Variants in TECPR2 observed in about 807,000 individuals in gnomAD.
TECPR2 encodes the protein tectonin beta-propeller repeat-containing protein 2.
In TECPR2, 65 loss-of-function variants were observed where a neutral mutation model predicts 138.1. That is an observed-to-expected ratio of 0.47 (90% CI 0.39 to 0.58). TECPR2 has a LOEUF of 0.58. Ranked by LOEUF, TECPR2 falls within the 20% of genes least tolerant of loss-of-function variation. TECPR2 has a pLI of 0.00. For synonymous variants in TECPR2, 746 were observed against 749.8 expected (o/e 0.99, Z 0.08); for missense variants, 1,553 against 1,824.5 (o/e 0.85, Z 2.71).
chr14:102,465,357 G>T, intron 17 of TECPR2, 68 bp downstream of exon 17: 1 of 1,584,902 alleles, frequency 6.3e-7, no homozygotes. Flanking sequence ...GCTGGTACTG[G>T]GAAAAAGGAT....
intron 1 of TECPR2, 31 bp downstream of exon 1, chr14:102,363,147 A>T (rs2139640583): frequency 6.0e-6 from 2 of 334,898 alleles, no homozygotes; most frequent in Middle Eastern, 8.5e-4. Context: ...AGCGGCCCCG[A>T]CGCCCCCGAC....
At position 102,463,434 on chromosome 14, in the gene TECPR2, A is replaced by G. The variant is rs1220942801; in HGVS notation, c.3641-1707A>G. Among the ~76,000 whole-genome samples, 390 of 151,212 alleles carry G rather than the reference A, an allele frequency of 2.6e-3. 1 individual carries two copies. The highest frequency in any genetic ancestry group is 8.0e-3 in the African/African-American group (332 of 41,262). ...TCCGTCTCAAAAAAAAAAAAAAAAA[A>G]AAAAAGAAAAAAACAAAAAAACAGG... On this transcript the variant is annotated intron_variant, in intron 16 of 19. Coordinates refer to ENST00000359520, the MANE Select transcript of TECPR2 (RefSeq NM_014844.5).
chr14:102,430,923 T>A (rs1026745371), intron 7 of TECPR2, among the ~76,000 whole-genome samples: 1 of 152,190 alleles, frequency 6.6e-6, no homozygotes, highest in Admixed American at 6.5e-5. Context: ...AGAGTCTTAG[T>A]ATGAAGTATA....
chr14:102,456,921 A>G (rs892018489), intron 16 of TECPR2, among the ~76,000 whole-genome samples: 1 of 151,690 alleles, frequency 6.6e-6, no homozygotes, highest in African/African-American at 2.4e-5. Context: ...ACTCAATCTC[A>G]CTGAAGCTGA....
At chr14:102,380,430 C>T (rs1399825293) in intron 2 of TECPR2, among the ~76,000 whole-genome samples, 3 of 152,228 alleles carry the variant, frequency 2.0e-5, no homozygotes, top group Non-Finnish European at 4.4e-5. Context: ...TATTGACTCA[C>T]AGTTACGCAT....
chr14:102,411,230 G>GC (rs1397182867), intron 4 of TECPR2, among the ~76,000 whole-genome samples: 1 of 152,244 alleles, frequency 6.6e-6, no homozygotes. Flanking sequence ...AATTTTTGCC[G>GC]CCCCAACATT....
intron 1 of TECPR2, among the ~76,000 whole-genome samples, chr14:102,372,508 G>A (rs752650897): frequency 2.0e-5 from 3 of 152,142 alleles, no homozygotes; most frequent in East Asian, 1.9e-4. Context: ...CAGGTGATCC[G>A]CCCTGACTCA....
intron 17 of TECPR2, among the ~76,000 whole-genome samples, chr14:102,474,091 C>T (rs1890702996): frequency 6.6e-6 from 1 of 152,068 alleles, no homozygotes; most frequent in South Asian, 2.1e-4. Context: ...GACCCCGTCT[C>T]TACAGGTAAT....
In TECPR2 at chr14:102,425,987, C is replaced by T. The variant is rs182039729; in HGVS notation, c.951+696C>T. On this transcript the variant is annotated intron_variant, in intron 6 of 19. Transcript: ENST00000359520. ...GCAACCTCCACCTCCCGAGTTCAAG[C>T]GATTCTCCTGCCTCAGCCTCCCAAG... Among the ~76,000 whole-genome samples, 450 of 150,162 alleles carry T rather than the reference C, an allele frequency of 3.0e-3. 1 individual carries two copies. The highest frequency in any genetic ancestry group is 4.1e-3 in the Admixed American group (61 of 14,978).
In TECPR2 at chr14:102,498,818, A is replaced by G; in HGVS notation, c.*561A>G. 1 of 579,132 alleles carries G rather than the reference A, an allele frequency of 1.7e-6. No individual in the cohort carries two copies. The highest frequency in any genetic ancestry group is 1.6e-5 in the South Asian group (1 of 63,018). 35.9% of individuals were successfully genotyped at this position (579,132 alleles called of 1,614,324 possible). A position where few individuals can be genotyped will look rare whatever the true frequency, so the allele number is the denominator to read the frequency against. ...GGAAGCTGAGGCCGGGCTTGAGAGG[A>G]GAGCGCTGGCCATGCCAGGAGAGAA... is the stretch of plus-strand genomic sequence containing the variant. On this transcript the variant is annotated 3_prime_UTR_variant, in exon 20 of 20. Coordinates refer to ENST00000359520, the MANE Select transcript of TECPR2 (RefSeq NM_014844.5).
chr14:102,469,967 G>C (rs1890623426), intron 17 of TECPR2, among the ~76,000 whole-genome samples: 2 of 152,062 alleles, frequency 1.3e-5, no homozygotes, highest in Admixed American at 6.6e-5. Flanking sequence ...GAAATCCTTT[G>C]TATGTATATG....
chr14:102,496,132 G>A (rs1036931099), intron 17 of TECPR2, among the ~76,000 whole-genome samples: 1 of 152,226 alleles, frequency 6.6e-6, no homozygotes, highest in Non-Finnish European at 1.5e-5. Context: ...CATGGAGGCC[G>A]ACCAGGAGGG....
intron 2 of TECPR2, among the ~76,000 whole-genome samples, chr14:102,399,332 TAAAAA>T (rs1888406832): frequency 6.6e-6 from 1 of 152,096 alleles, no homozygotes. Flanking sequence ...TTCAGAGTGT[TAAAAA>T]GAAAGAAGAC....
At chr14:102,409,294 G>A (rs1888751838) in intron 4 of TECPR2, among the ~76,000 whole-genome samples, 1 of 151,612 alleles carries the variant, frequency 6.6e-6, no homozygotes, top group Admixed American at 6.6e-5. Flanking sequence ...AGCACTATAG[G>A]AATTCAGCAA....
chr14:102,365,395 CAT>C (rs1443534133), intron 1 of TECPR2, among the ~76,000 whole-genome samples: 1 of 152,116 alleles, frequency 6.6e-6, no homozygotes, highest in African/African-American at 2.4e-5. Context: ...TTACAGGGCA[CAT>C]GTGGGGGAAT....
At chr14:102,496,304 G>T (rs1352359286) in intron 17 of TECPR2, among the ~76,000 whole-genome samples, 2 of 152,170 alleles carry the variant, frequency 1.3e-5, no homozygotes, top group East Asian at 3.9e-4. Context: ...GTGCTCGCGG[G>T]CATGGAGGCC....
intron 16 of TECPR2, among the ~76,000 whole-genome samples, chr14:102,460,368 C>T (rs141600410): frequency 2.2e-3 from 341 of 151,998 alleles, no homozygotes; most frequent in African/African-American, 7.2e-3. Context: ...AATCTCAGCA[C>T]GTTGGGAGGC....
At position 102,445,897 on chromosome 14, in the gene TECPR2, A is replaced by G. The variant is rs1889963472; in HGVS notation, c.3025A>G (p.Thr1009Ala). 1 of 1,614,006 alleles carries G rather than the reference A, an allele frequency of 6.2e-7. No homozygotes were observed. The highest frequency in any genetic ancestry group is 8.5e-7 in the Non-Finnish European group (1 of 1,180,002). ...LDIHGNLWFR[T>A]GIISKKPQGD... The stretch of plus-strand genomic sequence containing the variant: ...CATCCATGGGAACCTGTGGTTCAGA[A>G]CTGGCATTATTTCCAAGAAGCCCCA... The change falls in exon 13 of 20, where the codon ACT (threonine) becomes GCT (alanine). Residue 1009 changes from threonine (T) to alanine (A), a missense_variant. By Grantham distance (58) the Thr-to-Ala change is moderately conservative. Transcript: ENST00000359520.
At chr14:102,429,004 T>C (rs964214029) in intron 7 of TECPR2, among the ~76,000 whole-genome samples, 1 of 152,110 alleles carries the variant, frequency 6.6e-6, no homozygotes, top group Non-Finnish European at 1.5e-5. Flanking sequence ...TGCGCCATTA[T>C]GCCAGGCTAA....
Sources: gnomAD v4.1 joint callset for allele counts (sites outside exome capture counted in the v4.1 genomes callset) on GRCh38, gnomAD v4.1.1 for gene constraint, MANE v1.5 for transcripts, NCBI Gene and HGNC (gene_info 2026-07-23, HGNC 2026-07-21) for gene names.